Variants in DAGLA observed in about 807,000 individuals in gnomAD.
The protein encoded by DAGLA is diacylglycerol lipase-alpha.
In DAGLA, 22 loss-of-function variants were observed where a neutral mutation model predicts 102.6. That is an observed-to-expected ratio of 0.21 (90% CI 0.15 to 0.31). The LOEUF (loss-of-function observed/expected upper bound fraction) is 0.31, where lower values mean the gene tolerates loss of function less well. DAGLA is among the 10% of genes least tolerant of loss of function. The pLI, the probability that DAGLA is intolerant of heterozygous loss-of-function variation, is 1.00. For missense variants in DAGLA, 927 were observed against 1,446.6 expected (o/e 0.64, Z 5.83); for synonymous variants, 578 against 628.9 (o/e 0.92, Z 1.21).
At chr11:61,726,503 G>A (rs2065328424) in intron 6 of DAGLA, among the ~76,000 whole-genome samples, 1 of 152,370 alleles carries the variant, frequency 6.6e-6, no homozygotes, top group Middle Eastern at 3.4e-3. Context: ...TGGGAGCTCA[G>A]AGGAGTGACC....
chr11:61,702,965 G>A (rs1327751272), intron 1 of DAGLA, among the ~76,000 whole-genome samples: 1 of 152,238 alleles, frequency 6.6e-6, no homozygotes, highest in Non-Finnish European at 1.5e-5. Flanking sequence ...AGCCAGTGAA[G>A]TTGCATATGT....
intron 8 of DAGLA, 71 bp downstream of exon 8, chr11:61,729,079 A>C: frequency 7.2e-7 from 1 of 1,391,294 alleles, no homozygotes; most frequent in East Asian, 2.3e-5. Flanking sequence ...ACCTAAGCAA[A>C]CTCCTCCCAG....
At chr11:61,713,371 A>T (rs1386356000) in intron 1 of DAGLA, among the ~76,000 whole-genome samples, 1 of 152,202 alleles carries the variant, frequency 6.6e-6, no homozygotes, top group African/African-American at 2.4e-5. Context: ...TACCTACCTC[A>T]CAGAACTGTT....
At chr11:61,693,393 G>A (rs2065039837) in intron 1 of DAGLA, among the ~76,000 whole-genome samples, 1 of 150,676 alleles carries the variant, frequency 6.6e-6, no homozygotes, top group Admixed American at 6.6e-5. Flanking sequence ...CTGTTGTCCA[G>A]GCCAGAGTGC....
At chr11:61,742,314 G>A (rs1331049013) in intron 19 of DAGLA, among the ~76,000 whole-genome samples, 1 of 152,170 alleles carries the variant, frequency 6.6e-6, no homozygotes, top group Non-Finnish European at 1.5e-5. Context: ...TTAAGTGGTA[G>A]TCCTTCCAGG....
At chr11:61,687,054 C>T (rs1402499047) in intron 1 of DAGLA, among the ~76,000 whole-genome samples, 1 of 152,194 alleles carries the variant, frequency 6.6e-6, no homozygotes, top group African/African-American at 2.4e-5. Context: ...CTTCCATTTT[C>T]TGAATGTGGA....
intron 19 of DAGLA, 134 bp downstream of exon 19, chr11:61,741,483 T>TAGAG: frequency 1.0e-6 from 1 of 1,003,228 alleles, no homozygotes; most frequent in Non-Finnish European, 1.4e-6. Context: ...AAACTCACCC[T>TAGAG]CTGTGCTCTA....
intron 4 of DAGLA, 50 bp downstream of exon 4, chr11:61,723,010 G>A: frequency 5.6e-6 from 8 of 1,431,588 alleles, no homozygotes; most frequent in Non-Finnish European, 6.9e-6. Flanking sequence ...GGGGGCACAG[G>A]GGACGAGATC....
chr11:61,738,395 T>C (rs1158132976), intron 16 of DAGLA, among the ~76,000 whole-genome samples, 188 bp downstream of exon 16: 13 of 152,144 alleles, frequency 8.5e-5, no homozygotes, highest in South Asian at 2.1e-4. Flanking sequence ...ATCCATCCCC[T>C]GTCATTGTGC....
At chr11:61,729,330 C>T (rs539355585) in intron 8 of DAGLA, among the ~76,000 whole-genome samples, 36 of 152,366 alleles carry the variant, frequency 2.4e-4, no homozygotes, top group African/African-American at 7.7e-4. Flanking sequence ...GTTAATGAAA[C>T]GCAATGGGCG....
intron 1 of DAGLA, among the ~76,000 whole-genome samples, chr11:61,709,155 A>G (rs1236304698): frequency 1.3e-5 from 2 of 152,174 alleles, no homozygotes; most frequent in South Asian, 2.1e-4. Context: ...TAAAACTCTA[A>G]AAGTCCAGAC....
intron 1 of DAGLA, among the ~76,000 whole-genome samples, chr11:61,704,438 A>G (rs1489593733): frequency 4.6e-5 from 7 of 152,174 alleles, no homozygotes; most frequent in Non-Finnish European, 1.0e-4. Context: ...GGATTTCTTT[A>G]TGGCCAGCTC....
chr11:61,739,647 T>A lies in DAGLA; in HGVS notation c.1839T>A (p.Pro613=), dbSNP rs772123359. 6.2e-7 allele frequency: 1 copy of A among 1,613,864 alleles called. No individual in the cohort carries two copies. The highest frequency in any genetic ancestry group is 8.5e-7 in the Non-Finnish European group (1 of 1,180,016). Residue 613 remains proline, a synonymous_variant, in exon 17 of 20, where the codon CCT becomes CCA. Coordinates refer to ENST00000257215, the MANE Select transcript of DAGLA (RefSeq NM_006133.3). ...GRIIHVVHNH[P]AEQCCCCEQE... Reference sequence around the variant, plus strand: ...TCATCCACGTGGTCCACAACCACCCTGCAGAGCAGTGCTGGTAGGTTCTGC... The same window carrying A: ...TCATCCACGTGGTCCACAACCACCCAGCAGAGCAGTGCTGGTAGGTTCTGC...
At position 61,681,423 on chromosome 11, in the gene DAGLA, G is replaced by A. The variant is rs555152530; in HGVS notation, c.-45+919G>A. 5.9e-5 allele frequency among the ~76,000 whole-genome samples: 9 copies of A among 152,226 alleles called. No individual in the cohort carries two copies. In the South Asian group the frequency reaches 1.5e-3, roughly 25 times the overall value. ...ATCTAGCTTTGGGAATGAAGGGAGG[G>A]GTGGATGATTTTCAGTGGTGATCGG... is the stretch of plus-strand genomic sequence containing the variant. On this transcript the variant is annotated intron_variant, in intron 1 of 19. Transcript: ENST00000257215.
At chr11:61,725,690 C>T (rs1403971654) in intron 5 of DAGLA, among the ~76,000 whole-genome samples, 1 of 152,160 alleles carries the variant, frequency 6.6e-6, no homozygotes, top group Non-Finnish European at 1.5e-5. Context: ...TGTGTTCAGT[C>T]TTCCAAAAGC....
rs1340932108 is a variant in DAGLA, at chr11:61,746,097, C to T, written c.*1608C>T. ...GCTCCCCCGACCAAGAGACCTCCCT[C>T]TCATGATCACTGGTACCTGGGGGCC... On this transcript the variant is annotated 3_prime_UTR_variant, in exon 20 of 20. Transcript: ENST00000257215. The T allele has an allele frequency of 1.3e-5, 2 of 152,390 alleles. No individual in the cohort carries two copies. Among genetic ancestry groups the T allele is most frequent in the Non-Finnish European group, 2.9e-5 (2 of 68,092 alleles). The allele number at this position is 152,390 out of a possible 1,614,324, so 9.4% of individuals were successfully genotyped here.
intron 6 of DAGLA, among the ~76,000 whole-genome samples, chr11:61,727,277 C>T (rs895437153): frequency 6.6e-6 from 1 of 152,220 alleles, no homozygotes; most frequent in Non-Finnish European, 1.5e-5. Context: ...TGAAGTGGGC[C>T]CTGGAGGGCC....
At chr11:61,682,244 G>A (rs1015243983) in intron 1 of DAGLA, among the ~76,000 whole-genome samples, 2 of 152,180 alleles carry the variant, frequency 1.3e-5, no homozygotes, top group East Asian at 1.9e-4. Context: ...AATGGTGCAC[G>A]TGGAAACACT....
rs900094056 is a variant in DAGLA at position 61,686,934 on chromosome 11, G to A, written c.-45+6430G>A. On this transcript the variant is annotated intron_variant, in intron 1 of 19. Coordinates refer to ENST00000257215, the MANE Select transcript of DAGLA (RefSeq NM_006133.3). This position sits in a 1 kb window ranked among gnomAD's most constrained non-coding sequence, Gnocchi z 5.2. ...CTGCACCTCTGTCTCCTGGGGACAGGGCCCTGCACTTAGCTTTCTCAAAGC... is the reference window on the plus strand; with the variant it reads ...CTGCACCTCTGTCTCCTGGGGACAGAGCCCTGCACTTAGCTTTCTCAAAGC... Among the ~76,000 whole-genome samples the A allele has an allele frequency of 3.3e-5, 5 of 152,148 alleles. No homozygotes were observed. The highest frequency in any genetic ancestry group is 5.9e-5 in the Non-Finnish European group (4 of 68,022).
Sources: gnomAD v4.1 joint callset for allele counts (sites outside exome capture counted in the v4.1 genomes callset) on GRCh38, gnomAD v4.1.1 for gene constraint, Gnocchi (gnomAD v3.1) non-coding constraint, MANE v1.5 for transcripts, NCBI Gene and HGNC (gene_info 2026-07-23, HGNC 2026-07-21) for gene names.